IGSF11: variants seen among roughly 807,000 people sequenced by gnomAD.
IGSF11 encodes the protein immunoglobulin superfamily member 11.
Under a neutral mutation model 41.0 loss-of-function variants are expected in IGSF11, and 22 were observed. That is an observed-to-expected ratio of 0.54 (90% CI 0.38 to 0.77). IGSF11 has a LOEUF of 0.77. Among genes scored for constraint, IGSF11 ranks in the 30% least tolerant of loss-of-function variants. The pLI is 0.00. For synonymous variants in IGSF11, 219 were observed against 201.3 expected (o/e 1.09, Z -0.74); for missense variants, 444 against 530.8 (o/e 0.84, Z 1.61).
At chr3:118,927,662 G>A (rs1008189402) in intron 3 of IGSF11, among the ~76,000 whole-genome samples, 1 of 152,092 alleles carries the variant, frequency 6.6e-6, no homozygotes, top group African/African-American at 2.4e-5. Context: ...CAAGGACTGC[G>A]GGAGTAGATT....
In IGSF11 at chr3:118,905,654, G is replaced by A. The variant is rs762548204; in HGVS notation, c.645C>T (p.Cys215=). The change falls in exon 5 of 7, where the codon TGC becomes TGT. Residue 215 remains cysteine (C), a synonymous_variant. Transcript: ENST00000393775. ...TGGTTCCAATAGCATTAGAAGCCAC[G>A]CACTGGTACAAACCTGAAGACAGGG... The part of the protein sequence containing the change: ...ISALSSGLYQ[C]VASNAIGTST... The A allele has an allele frequency of 1.4e-5, 23 of 1,613,636 alleles. No homozygotes were observed. The highest frequency in any genetic ancestry group is 4.0e-5 in the African/African-American group (3 of 74,884).
chr3:119,035,573 G>A (rs2107743146), upstream of IGSF11, among the ~76,000 whole-genome samples: 1 of 152,312 alleles, frequency 6.6e-6, no homozygotes, highest in East Asian at 1.9e-4. Context: ...ATGTTAACTA[G>A]TGGGGTATGT....
At chr3:119,113,902 C>G (rs529657801) in intron 1 of IGSF11, among the ~76,000 whole-genome samples, 1 of 152,378 alleles carries the variant, frequency 6.6e-6, no homozygotes, top group East Asian at 1.9e-4. Flanking sequence ...AGCCTCAACT[C>G]TTAGCCTCTG....
chr3:118,980,948 A>T (rs950024369), intron 1 of IGSF11, among the ~76,000 whole-genome samples: 2 of 152,234 alleles, frequency 1.3e-5, no homozygotes, highest in Admixed American at 1.3e-4. Context: ...GTGGTTAAAG[A>T]TACTTGAAAA....
intron 1 of IGSF11, among the ~76,000 whole-genome samples, chr3:119,119,890 T>C (rs2077309599): frequency 6.6e-6 from 1 of 152,160 alleles, no homozygotes; most frequent in Non-Finnish European, 1.5e-5. Context: ...TAAAAGAAAA[T>C]TCTTGAATGA....
intron 1 of IGSF11, among the ~76,000 whole-genome samples, chr3:119,073,669 G>T (rs1015763715): frequency 3.9e-5 from 6 of 152,220 alleles, no homozygotes; most frequent in Non-Finnish European, 7.3e-5. Flanking sequence ...ACTGCCCAGG[G>T]CCGGGAGCAC....
At chr3:119,068,298 T>C (rs1028488891) in intron 1 of IGSF11, among the ~76,000 whole-genome samples, 16 of 152,240 alleles carry the variant, frequency 1.1e-4, no homozygotes, top group Admixed American at 2.0e-4. Context: ...CACTTCTACC[T>C]ATAAGGGAGG....
chr3:119,046,347 G>A (rs1184176851), intron 1 of IGSF11, among the ~76,000 whole-genome samples: 2 of 152,100 alleles, frequency 1.3e-5, no homozygotes, highest in African/African-American at 2.4e-5. Flanking sequence ...CGTGAAGAAT[G>A]CAGAAGCCTC....
At chr3:119,051,627 A>G (rs553574254) in intron 1 of IGSF11, among the ~76,000 whole-genome samples, 1 of 152,346 alleles carries the variant, frequency 6.6e-6, no homozygotes, top group South Asian at 2.1e-4. Flanking sequence ...GAACAAATGG[A>G]CTTAACAGAT....
intron 1 of IGSF11, among the ~76,000 whole-genome samples, chr3:119,083,204 T>C (rs1241759748): frequency 6.6e-6 from 1 of 150,600 alleles, no homozygotes; most frequent in Non-Finnish European, 1.5e-5. Flanking sequence ...ATGATCTTGC[T>C]GCGGCCTCGA....
chr3:119,142,169 G>T (rs1244979150), intron 1 of IGSF11, among the ~76,000 whole-genome samples: 1 of 151,702 alleles, frequency 6.6e-6, no homozygotes, highest in African/African-American at 2.4e-5. Context: ...CAGCTACTCG[G>T]GAGGCTGAAG....
chr3:119,077,618 C>G (rs942014785), intron 1 of IGSF11, among the ~76,000 whole-genome samples: 1 of 152,056 alleles, frequency 6.6e-6, no homozygotes, highest in Non-Finnish European at 1.5e-5. Flanking sequence ...AGAACTGGAA[C>G]AAGACAAGAA....
exon 1 of IGSF11, chr3:119,145,978 C>T (rs1336018944): frequency 1.8e-6 from 1 of 551,260 alleles, no homozygotes; most frequent in Non-Finnish European, 3.2e-6. Context: ...CAGGACATGG[C>T]GTACTCCCTG....
intron 1 of IGSF11, among the ~76,000 whole-genome samples, chr3:118,997,767 T>C (rs1936417801): frequency 6.6e-6 from 1 of 152,182 alleles, no homozygotes; most frequent in Non-Finnish European, 1.5e-5. Context: ...TGACCCTAGA[T>C]AGCTGTCTTA....
At chr3:119,018,207 CA>C (rs1481726539) in intron 1 of IGSF11, among the ~76,000 whole-genome samples, 1 of 152,100 alleles carries the variant, frequency 6.6e-6, no homozygotes, top group Non-Finnish European at 1.5e-5. Flanking sequence ...AAGGCATCAG[CA>C]AGGCAGAGAT....
chr3:119,139,713 A>G (rs2077614960), intron 1 of IGSF11, among the ~76,000 whole-genome samples: 1 of 152,202 alleles, frequency 6.6e-6, no homozygotes, highest in Admixed American at 6.5e-5. Flanking sequence ...GGACTAATAT[A>G]GTATTATAAA....
At chr3:118,964,040 T>A (rs1337195899) in intron 1 of IGSF11, among the ~76,000 whole-genome samples, 6 of 152,122 alleles carry the variant, frequency 3.9e-5, no homozygotes, top group Non-Finnish European at 8.8e-5. Context: ...AATTCAACCT[T>A]CTATACCTTA....
intron 1 of IGSF11, among the ~76,000 whole-genome samples, chr3:118,951,701 C>T (rs1298125395): frequency 6.6e-6 from 1 of 152,040 alleles, no homozygotes; most frequent in Non-Finnish European, 1.5e-5. Flanking sequence ...CACCAAAATC[C>T]CCAAATGCTT....
At chr3:119,081,920 C>T (rs1289643827) in intron 1 of IGSF11, among the ~76,000 whole-genome samples, 2 of 151,946 alleles carry the variant, frequency 1.3e-5, no homozygotes, top group East Asian at 1.9e-4. Context: ...CTGAGAATGA[C>T]GAATAGAGAA....
Sources: gnomAD v4.1 joint callset for allele counts (sites outside exome capture counted in the v4.1 genomes callset) on GRCh38, gnomAD v4.1.1 for gene constraint, MANE v1.5 for transcripts, NCBI Gene and HGNC (gene_info 2026-07-23, HGNC 2026-07-21) for gene names.